ZNF654: variants seen among roughly 807,000 people sequenced by gnomAD.
ZNF654 encodes the protein melanoma-associated antigen.
In ZNF654, 19 loss-of-function variants were observed where a neutral mutation model predicts 95.3. The observed-to-expected ratio is 0.20, with a 90% CI of 0.14 to 0.29. ZNF654 has a LOEUF of 0.29. Among genes scored for constraint, ZNF654 ranks in the 10% least tolerant of loss-of-function variants. The probability of loss-of-function intolerance (pLI) is 1.00; values close to 1 mark genes in which losing one functional copy is unlikely to be tolerated. For missense variants in ZNF654, 1,046 were observed against 1,341.0 expected, an observed-to-expected ratio of 0.78 and a Z score of 3.44; for synonymous variants, 413 against 457.9, an observed-to-expected ratio of 0.90 and a Z score of 1.25.
chr3:88,063,462 T>G (rs1398132294), intron 1 of ZNF654, among the ~76,000 whole-genome samples: 4 of 152,198 alleles, frequency 2.6e-5, no homozygotes, highest in African/African-American at 9.7e-5. Flanking sequence ...CTAATGTCTC[T>G]TAATTTAGAG....
chr3:88,111,139 G>A (rs1412896271), intron 2 of ZNF654, among the ~76,000 whole-genome samples: 1 of 152,038 alleles, frequency 6.6e-6, no homozygotes. Flanking sequence ...TCCATTAGAT[G>A]TTTAAAGATG....
chr3:88,108,581 C>G (rs1704889040), intron 2 of ZNF654, among the ~76,000 whole-genome samples: 1 of 152,104 alleles, frequency 6.6e-6, no homozygotes. Flanking sequence ...CACACCATCC[C>G]AACTAGGATG....
At chr3:88,083,960 T>G (rs867132608) in intron 1 of ZNF654, among the ~76,000 whole-genome samples, 2,789 of 51,014 alleles carry the variant, frequency 0.055, 99 homozygotes, top group African/African-American at 0.12. Context: ...TATATATATA[T>G]ATATATAGAA....
chr3:88,093,280 T>C (rs560440244), intron 2 of ZNF654, among the ~76,000 whole-genome samples: 1 of 152,312 alleles, frequency 6.6e-6, no homozygotes, highest in African/African-American at 2.4e-5. Flanking sequence ...ACCCTGAAAC[T>C]AAGTGGACTT....
At chr3:88,120,445 T>C (rs1705697581) in intron 3 of ZNF654, among the ~76,000 whole-genome samples, 1 of 152,164 alleles carries the variant, frequency 6.6e-6, no homozygotes, top group South Asian at 2.1e-4. Context: ...TGAAGAAACT[T>C]TAGTTTGGTG....
At chr3:88,059,652 T>A in intron 1 of ZNF654, 147 bp downstream of exon 1, 16 of 716,326 alleles carry the variant, frequency 2.2e-5, no homozygotes, top group Non-Finnish European at 2.8e-5. Context: ...CTCCTCCACT[T>A]ATCCGGCTTG....
Position 88,068,013 on chromosome 3 carries a change from G to A in ZNF654, c.186+8508G>A, listed in dbSNP as rs1707300147. On this transcript the variant is annotated intron_variant, in intron 1 of 8. Coordinates refer to ENST00000636215, the MANE Select transcript of ZNF654 (RefSeq NM_001350134.2). ...TCTATATTATAAGACCCCTGAAGGGGAGTAAGGACAACACTCAAAGCACAA... is the reference window on the plus strand; with the variant it reads ...TCTATATTATAAGACCCCTGAAGGGAAGTAAGGACAACACTCAAAGCACAA... Among the ~76,000 whole-genome samples, 3 of 152,124 alleles carry A rather than the reference G, an allele frequency of 2.0e-5. No homozygotes were observed. The South Asian group carries it at 6.2e-4, about 32-fold the overall frequency.
intron 3 of ZNF654, among the ~76,000 whole-genome samples, chr3:88,115,997 T>G (rs1705365968): frequency 6.6e-6 from 1 of 152,028 alleles, no homozygotes; most frequent in African/African-American, 2.4e-5. Flanking sequence ...CAGGGAAATG[T>G]GTGAGAGAGG....
At chr3:88,116,220 A>G (rs1293628598) in intron 3 of ZNF654, among the ~76,000 whole-genome samples, 2 of 152,070 alleles carry the variant, frequency 1.3e-5, no homozygotes, top group African/African-American at 4.8e-5. Context: ...TTATACCCAC[A>G]TTAAAAATAA....
Position 88,128,970 on chromosome 3 carries a change from T to C in ZNF654, c.712T>C (p.Cys238Arg). 1.3e-6 allele frequency: 2 copies of C among 1,535,058 alleles called. No homozygotes were observed. The highest frequency in any genetic ancestry group is 1.7e-6 in the Non-Finnish European group (2 of 1,146,278). The change falls in exon 5 of 9, where the codon TGT becomes CGT. Residue 238 changes from cysteine (C) to arginine (R), a missense_variant. Physicochemically the swap from Cys to Arg is radical, Grantham distance 180. Transcript: ENST00000636215. ...DLYFHQALFT[C>R]LFMSPVEDQL... ...ATACTTCCATCAAGCACTCTTCACA[T>C]GTCTGTTTATGTCACCTGTAGAAGA...
chr3:88,068,980 A>G (rs1265269306), intron 1 of ZNF654, among the ~76,000 whole-genome samples: 15 of 152,194 alleles, frequency 9.9e-5, no homozygotes, highest in Non-Finnish European at 2.9e-5. Flanking sequence ...TTTGATATAT[A>G]CTGTAGCTTA....
chr3:88,134,938 C>G, intron 6 of ZNF654, 123 bp from the exon 7 acceptor site: 1 of 572,586 alleles, frequency 1.7e-6, no homozygotes, highest in Admixed American at 4.3e-5. Flanking sequence ...TGGGGGTGAA[C>G]GTAATACATA....
At position 88,139,589 on chromosome 3, in the gene ZNF654, G is replaced by A. The variant is rs1308765133; in HGVS notation, c.1920G>A (p.Val640=). Residue 640 remains valine (V), a synonymous_variant, in exon 8 of 9, where the codon GTG becomes GTA. Transcript: ENST00000636215. ...NGNSDSKDLE[V]ETLTASSEGN... ...ATTCTGATAGTAAGGATTTGGAAGT[G>A]GAGACACTTACTGCTTCTAGTGAAG... The A allele has an allele frequency of 3.1e-6, 5 of 1,613,594 alleles. No homozygotes were observed. The highest frequency in any genetic ancestry group is 2.2e-5 in the East Asian group (1 of 44,880).
intron 2 of ZNF654, among the ~76,000 whole-genome samples, chr3:88,111,054 T>G (rs1421050536): frequency 6.6e-6 from 1 of 152,046 alleles, no homozygotes; most frequent in Non-Finnish European, 1.5e-5. Flanking sequence ...TGGGTTCATT[T>G]CTGTGTTTTA....
intron 2 of ZNF654, among the ~76,000 whole-genome samples, chr3:88,108,545 C>T (rs1174200041): frequency 6.6e-6 from 1 of 152,140 alleles, no homozygotes; most frequent in African/African-American, 2.4e-5. Flanking sequence ...AAATTGCAAG[C>T]TATTCTGAGT....
chr3:88,065,198 C>T (rs1418882149), intron 1 of ZNF654, among the ~76,000 whole-genome samples: 3 of 152,104 alleles, frequency 2.0e-5, no homozygotes, highest in Non-Finnish European at 4.4e-5. Flanking sequence ...AAGACATCAA[C>T]TCGTTTATTA....
chr3:88,088,005 T>G (rs1305706958), intron 2 of ZNF654, among the ~76,000 whole-genome samples: 1 of 152,192 alleles, frequency 6.6e-6, no homozygotes, highest in Non-Finnish European at 1.5e-5. Flanking sequence ...TCAGTAAGTA[T>G]AAATACAAAT....
intron 2 of ZNF654, among the ~76,000 whole-genome samples, chr3:88,093,963 ACAATTATTCAACACCTTAAC>A (rs904341442): frequency 6.6e-6 from 1 of 152,176 alleles, no homozygotes. Context: ...ATATTGACGA[ACAATTATTCAACACCTTAAC>A]CAATTTTGTA....
At chr3:88,062,698 T>C (rs566784263) in intron 1 of ZNF654, among the ~76,000 whole-genome samples, 45 of 152,338 alleles carry the variant, frequency 3.0e-4, no homozygotes, top group African/African-American at 1.1e-3. Flanking sequence ...AAAGGATTTC[T>C]GGAACCACTT....
Sources: allele counts gnomAD v4.1 joint callset (sites outside exome capture counted in the v4.1 genomes callset), GRCh38; gene constraint gnomAD v4.1.1; transcripts MANE v1.5; gene names NCBI Gene and HGNC (gene_info 2026-07-23, HGNC 2026-07-21).